The following CNTNAP1 variants were observed in gnomAD, a reference collection of about 807,000 sequenced individuals.
The protein encoded by CNTNAP1 is contactin-associated protein 1.
A neutral mutation model predicts 161.5 loss-of-function variants in CNTNAP1; 80 were observed. The observed-to-expected ratio is 0.50, with a 90% CI of 0.41 to 0.60. The LOEUF is 0.60. Among genes scored for constraint, CNTNAP1 ranks in the 20% least tolerant of loss-of-function variants. The pLI is 0.00. For synonymous variants in CNTNAP1, 695 were observed against 733.1 expected, an observed-to-expected ratio of 0.95 and a Z score of 0.84; for missense variants, 1,464 against 1,854.8, an observed-to-expected ratio of 0.79 and a Z score of 3.87.
At position 42,685,821 on chromosome 17, in the gene CNTNAP1, C is replaced by T. The variant is rs1242205164; in HGVS notation, c.716-136C>T. On this transcript the variant is annotated intron_variant, in intron 5 of 23. Coordinates refer to ENST00000264638, the MANE Select transcript of CNTNAP1 (RefSeq NM_003632.3). This position sits in a 1 kb window ranked among gnomAD's most constrained non-coding sequence, Gnocchi z 5.0. The stretch of plus-strand genomic sequence containing the variant: ...AATGGCTTACCCTGTCACACACTCG[C>T]CAATGGCTGTTGATCTATTCGCCCA... 3 of 887,940 alleles carry T rather than the reference C, an allele frequency of 3.4e-6. No individual in the cohort carries two copies. In the African/African-American group the frequency reaches 5.0e-5, roughly 15 times the overall value. The allele number at this position is 887,940 out of a possible 1,614,324, so 55.0% of individuals were successfully genotyped here. A position where few individuals can be genotyped will look rare whatever the true frequency, so the allele number is the denominator to read the frequency against.
chr17:42,684,486 G>C (rs2143646264), intron 3 of CNTNAP1, among the ~76,000 whole-genome samples: 1 of 152,306 alleles, frequency 6.6e-6, no homozygotes, highest in South Asian at 2.1e-4. Flanking sequence ...TTTCAGGTCT[G>C]AGGAAATAAT....
Position 42,691,711 on chromosome 17 carries a change from C to T in CNTNAP1, c.2345-95C>T, listed in dbSNP as rs2053088309. On this transcript the variant is annotated intron_variant, in intron 15 of 23. Transcript: ENST00000264638. This position sits in a 1 kb window ranked among gnomAD's most constrained non-coding sequence, Gnocchi z 4.3. ...CCCCTCCGTCACCTCAAACCCTCCC[C>T]CTTTGCCCAACCTTCCCTGCCCCCA... 7.0e-7 allele frequency: 1 copy of T among 1,423,426 alleles called. No individual in the cohort carries two copies. Among genetic ancestry groups the T allele is most frequent in the South Asian group, 1.2e-5 (1 of 80,546 alleles). The allele number at this position is 1,423,426 out of a possible 1,614,324, so 88.2% of individuals were successfully genotyped here. A position where few individuals can be genotyped will look rare whatever the true frequency, so the allele number is the denominator to read the frequency against.
At chr17:42,692,085 C>A (rs992469047) in intron 16 of CNTNAP1, 94 bp downstream of exon 16, 2 of 1,305,446 alleles carry the variant, frequency 1.5e-6, no homozygotes, top group Admixed American at 3.8e-5. Flanking sequence ...GGGCAGATGC[C>A]CTTTTGACAG....
intron 11 of CNTNAP1, 124 bp downstream of exon 11, chr17:42,689,751 GT>G: frequency 1.0e-5 from 8 of 787,834 alleles, no homozygotes; most frequent in Admixed American, 2.2e-5. Flanking sequence ...TTTGTTTTTG[GT>G]TTTTTTGAGA....
intron 18 of CNTNAP1, among the ~76,000 whole-genome samples, chr17:42,694,909 C>T (rs2053134189): frequency 6.6e-6 from 1 of 151,966 alleles, no homozygotes; most frequent in East Asian, 1.9e-4. Flanking sequence ...GACTTAGGGA[C>T]CAACAGATTT....
In CNTNAP1 at chr17:42,696,096, G is replaced by A. The variant is rs34251597; in HGVS notation, c.3418G>A (p.Asp1140Asn). 243 of 1,614,130 alleles carry A rather than the reference G, an allele frequency of 1.5e-4. No individual in the cohort carries two copies. Among genetic ancestry groups the A allele is most frequent in the African/African-American group, 3.6e-4 (27 of 75,020 alleles). ...CCAGCTAACCACTCGACCAGTGACC[G>A]ATGGCCAGCCCCATAGCATCAATAT... ...VYQLTTRPVTDGQPHSINITR... is the reference protein window; with the variant it reads ...VYQLTTRPVTNGQPHSINITR... The change falls in exon 20 of 24, where the codon GAT (aspartate) becomes AAT (asparagine). Residue 1140 changes from aspartate (D) to asparagine (N), a missense_variant. Asp to Asn is a conservative substitution (Grantham distance 23). Coordinates refer to ENST00000264638, the MANE Select transcript of CNTNAP1 (RefSeq NM_003632.3).
Position 42,688,585 on chromosome 17 carries a change from G to A in CNTNAP1, c.1430G>A (p.Arg477Gln), listed in dbSNP as rs764313512. Residue 477 changes from arginine to glutamine, a missense_variant, in exon 9 of 24, where the codon CGG becomes CAG. Around this residue, in one of 3 missense-constraint regions of CNTNAP1, gnomAD observed 1,383 missense variants for 1,765.0 expected, o/e 0.78. Transcript: ENST00000264638. ...AGGGTCTCATACCCGTTGCTGATCCGGACAGGGACCTCATATTTCTTTGGG... is the reference window on the plus strand; with the variant it reads ...AGGGTCTCATACCCGTTGCTGATCCAGACAGGGACCTCATATTTCTTTGGG... ...EVRVSYPLLI[R>Q]TGTSYFFGGC... 29 of 1,614,084 alleles carry A rather than the reference G, an allele frequency of 1.8e-5. No homozygotes were observed. Among genetic ancestry groups the A allele is most frequent in the South Asian group, 5.5e-5 (5 of 91,090 alleles).
chr17:42,697,071 C>A (rs2053160425), intron 20 of CNTNAP1, among the ~76,000 whole-genome samples: 2 of 151,856 alleles, frequency 1.3e-5, no homozygotes, highest in African/African-American at 4.8e-5. Flanking sequence ...ATACCAAATC[C>A]TACATCTAGG....
At chr17:42,686,469 G>GTTTTTTGTT (rs2053011518) in intron 6 of CNTNAP1, among the ~76,000 whole-genome samples, 1 of 71,364 alleles carries the variant, frequency 1.4e-5, no homozygotes, top group Non-Finnish European at 2.6e-5. Context: ...AAAAAGGCCT[G>GTTTTTTGTT]TTTTTTTTTT....
Position 42,691,785 on chromosome 17 carries a change from TTCC to T in CNTNAP1, c.2345-17_2345-15del, listed in dbSNP as rs762652521. On this transcript the variant is annotated intron_variant, in intron 15 of 23. Coordinates refer to ENST00000264638, the MANE Select transcript of CNTNAP1 (RefSeq NM_003632.3). The surrounding 1 kb of genome is among the most constrained non-coding windows in gnomAD (Gnocchi z 4.3). ...ACCCTCCAATCTCCCTGACAAGACC[TTCC>T]TCCATCTGCTTTTCTAGGAAATTCC... 5.6e-6 allele frequency: 9 copies of T among 1,611,400 alleles called. No homozygotes were observed. In the Admixed American group the frequency reaches 1.3e-4, roughly 24 times the overall value.
Position 42,682,566 on chromosome 17 carries a change from A to C in CNTNAP1, c.-264A>C. The C allele has an allele frequency of 1.4e-4, 65 of 455,692 alleles. No individual in the cohort carries two copies. The highest frequency in any genetic ancestry group is 4.1e-4 in the East Asian group (9 of 22,170). 28.2% of individuals were successfully genotyped at this position (455,692 alleles called of 1,614,324 possible). A position where few individuals can be genotyped will look rare whatever the true frequency, so the allele number is the denominator to read the frequency against. On this transcript the variant is annotated 5_prime_UTR_variant, in exon 1 of 24. Coordinates refer to ENST00000264638, the MANE Select transcript of CNTNAP1 (RefSeq NM_003632.3). ...CGTGCCAGGAGACAGAGGCTGGGGA[A>C]GGGGGGAGGTGAGAGGAAAGAGGGT...
At position 42,687,375 on chromosome 17, in the gene CNTNAP1, CCCCTCAA is replaced by C. The variant is rs1338924313; in HGVS notation, c.1044+335_1045-333del. On this transcript the variant is annotated intron_variant, in intron 7 of 23. Transcript: ENST00000264638. The surrounding 1 kb of genome is among the most constrained non-coding windows in gnomAD (Gnocchi z 4.7). ...GAACCGATGGCTTCTCTGATATGCCCCCCTCAACCCTCTCCGACTCTGGAGCTCTGTT... is the reference window on the plus strand; with the variant it reads ...GAACCGATGGCTTCTCTGATATGCCCCCCTCTCCGACTCTGGAGCTCTGTT... The C allele has an allele frequency of 4.2e-5, 21 of 501,568 alleles. No individual in the cohort carries two copies. Among genetic ancestry groups the C allele is most frequent in the African/African-American group, 7.7e-5 (4 of 52,188 alleles). 31.1% of individuals were successfully genotyped at this position (501,568 alleles called of 1,614,324 possible). A position where few individuals can be genotyped will look rare whatever the true frequency, so the allele number is the denominator to read the frequency against.
chr17:42,699,187 A>G lies in CNTNAP1; in HGVS notation c.*277A>G. On this transcript the variant is annotated 3_prime_UTR_variant, in exon 24 of 24. Coordinates refer to ENST00000264638, the MANE Select transcript of CNTNAP1 (RefSeq NM_003632.3). ...AAAGGAGAAGCCTCATGGGGTTGAC[A>G]TAGGTCCTTTCTGCCATCTCTGTTC... The G allele has an allele frequency of 2.6e-6, 1 of 381,806 alleles. No individual in the cohort carries two copies. Among genetic ancestry groups the G allele is most frequent in the Non-Finnish European group, 4.7e-6 (1 of 214,788 alleles). 23.7% of individuals were successfully genotyped at this position (381,806 alleles called of 1,614,324 possible).
intron 16 of CNTNAP1, 21 bp from the exon 17 acceptor site, chr17:42,692,478 A>G: frequency 6.2e-7 from 1 of 1,604,512 alleles, no homozygotes. Context: ...TTTCTCCCCT[A>G]CCCTGCATCA....
chr17:42,684,370 TC>T, intron 3 of CNTNAP1, 141 bp downstream of exon 3: 1 of 767,778 alleles, frequency 1.3e-6, no homozygotes, highest in Non-Finnish European at 2.1e-6. Flanking sequence ...AGGGACTCTG[TC>T]CAGAGGGACT....
At position 42,688,467 on chromosome 17, in the gene CNTNAP1, C is replaced by T. The variant is rs781513422; in HGVS notation, c.1312C>T (p.Arg438Ter). Residue 438 changes from arginine to a stop codon, truncating the protein, a stop_gained, in exon 9 of 24, where the codon CGA becomes TGA. Transcript: ENST00000264638. LOFTEE classifies it high-confidence loss of function. Reference protein sequence around the residue: ...RKKLQFAAGYRLNDGFWHEVN... With the variant: ...RKKLQFAAGY The stretch of plus-strand genomic sequence containing the variant: ...CATCATCCATTCTTGTCCAGGGTAC[C>T]GACTGAATGACGGCTTTTGGCACGA... 3.1e-6 allele frequency: 5 copies of T among 1,614,084 alleles called. No homozygotes were observed. In the African/African-American group the frequency reaches 5.3e-5, roughly 17 times the overall value.
chr17:42,688,751 T>C, intron 9 of CNTNAP1, 125 bp from the exon 10 acceptor site: 1 of 1,501,552 alleles, frequency 6.7e-7, no homozygotes, highest in Non-Finnish European at 9.1e-7. Context: ...TGGAAGGTCA[T>C]TGCCATCTAC....
chr17:42,695,746 G>A lies in CNTNAP1; in HGVS notation c.3218G>A (p.Arg1073His), dbSNP rs773813371. 2.8e-5 allele frequency: 46 copies of A among 1,614,072 alleles called. No individual in the cohort carries two copies. The highest frequency in any genetic ancestry group is 1.0e-4 in the Admixed American group (6 of 59,988). ...PRPGRPVPGY[R>H]GPVYNVTGEE... ...CCTGGTCGGCCTGTGCCCGGTTACC[G>A]TGGGCCTGTCTACAACGTTACGGGA... Residue 1073 changes from arginine to histidine, a missense_variant, in exon 19 of 24, where the codon CGT (arginine) becomes CAT (histidine). Physicochemically the swap from Arg to His is conservative, Grantham distance 29. Transcript: ENST00000264638.
At chr17:42,686,555 G>C (rs146877873) in intron 6 of CNTNAP1, among the ~76,000 whole-genome samples, 1 of 143,916 alleles carries the variant, frequency 6.9e-6, no homozygotes, top group Non-Finnish European at 1.5e-5. Flanking sequence ...AATGAGATGG[G>C]GTTTGGAAAT....
Sources: allele counts gnomAD v4.1 joint callset (sites outside exome capture counted in the v4.1 genomes callset), GRCh38; gene constraint gnomAD v4.1.1; regional missense constraint gnomAD v4.1.1; non-coding constraint Gnocchi (gnomAD v3.1); transcripts MANE v1.5; gene names NCBI Gene and HGNC (gene_info 2026-07-23, HGNC 2026-07-21).